The following NTM variants were observed in gnomAD, a reference collection of about 807,000 sequenced individuals.
The protein encoded by NTM is neurotrimin.
A neutral mutation model predicts 42.1 loss-of-function variants in NTM; 13 were observed. That is an observed-to-expected ratio of 0.31 (90% confidence interval 0.20 to 0.49). The LOEUF (loss-of-function observed/expected upper bound fraction) is 0.49, where lower values mean the gene tolerates loss of function less well. NTM is among the 20% of genes least tolerant of loss of function. The pLI, the probability that NTM is intolerant of heterozygous loss-of-function variation, is 0.99. For missense variants in NTM, 373 were observed against 452.8 expected (o/e 0.82, Z 1.60); for synonymous variants, 187 against 179.2 (o/e 1.04, Z -0.35).
intron 2 of NTM, among the ~76,000 whole-genome samples, chr11:132,056,837 C>A (rs570390715): frequency 2.6e-5 from 4 of 152,152 alleles, no homozygotes; most frequent in African/African-American, 9.7e-5. Flanking sequence ...TCCACAAATC[C>A]CCCAGTGCAC....
chr11:131,793,333 C>T lies in NTM; in HGVS notation c.83-118231C>T, dbSNP rs562875182. ...AACTTTGTGAGGTGAAAGACCATCTCTGTCTTTTTGTACCCTATCCTCAGC... is the reference window on the plus strand; with the variant it reads ...AACTTTGTGAGGTGAAAGACCATCTTTGTCTTTTTGTACCCTATCCTCAGC... On this transcript the variant is annotated intron_variant, in intron 1 of 8. Transcript: ENST00000683400. 2.4e-4 allele frequency among the ~76,000 whole-genome samples: 36 copies of T among 152,332 alleles called. No homozygotes were observed. The South Asian group carries it at 7.5e-3, about 32-fold the overall frequency.
chr11:131,635,011 A>G (rs2064183292), intron 1 of NTM, among the ~76,000 whole-genome samples: 1 of 152,212 alleles, frequency 6.6e-6, no homozygotes, highest in South Asian at 2.1e-4. Flanking sequence ...CCTTTTGGTC[A>G]ACAACAAGCC....
intron 1 of NTM, among the ~76,000 whole-genome samples, chr11:131,374,154 AGG>A (rs1328150817): frequency 6.6e-6 from 1 of 152,192 alleles, no homozygotes; most frequent in East Asian, 1.9e-4. Context: ...CATGGCAGTA[AGG>A]GGAGGGCGTC....
intron 1 of NTM, among the ~76,000 whole-genome samples, chr11:131,653,651 G>A (rs1389631608): frequency 1.3e-5 from 2 of 152,274 alleles, no homozygotes; most frequent in Non-Finnish European, 2.9e-5. Context: ...GCTCCTACCC[G>A]AGTGCCTGGA....
At chr11:131,704,544 A>T (rs982738469) in intron 1 of NTM, among the ~76,000 whole-genome samples, 1 of 152,254 alleles carries the variant, frequency 6.6e-6, no homozygotes, top group Non-Finnish European at 1.5e-5. Flanking sequence ...TTTAAAATGC[A>T]GACACCAGTG....
chr11:131,466,216 A>G (rs1445107477), intron 1 of NTM, among the ~76,000 whole-genome samples: 1 of 152,238 alleles, frequency 6.6e-6, no homozygotes, highest in Non-Finnish European at 1.5e-5. Context: ...AACAGCAAAG[A>G]GGAGTGGGAA....
rs187508011 is a variant in NTM at position 131,402,205 on chromosome 11, C to G, written c.82+31317C>G. Among the ~76,000 whole-genome samples the G allele has an allele frequency of 1.1e-3, 170 of 151,966 alleles. 2 individuals carry two copies. Among genetic ancestry groups the G allele is most frequent in the Non-Finnish European group, 9.9e-4 (67 of 67,980 alleles). On this transcript the variant is annotated intron_variant, in intron 1 of 8. Coordinates refer to ENST00000683400, the MANE Select transcript of NTM (RefSeq NM_001352005.2). ...GTTATGGATGCAACACCATGAAAAT[C>G]ACATGTCATGTCATAACCACCATGA...
At chr11:131,810,283 A>T (rs1285371717) in intron 1 of NTM, among the ~76,000 whole-genome samples, 2 of 152,042 alleles carry the variant, frequency 1.3e-5, no homozygotes, top group Admixed American at 6.5e-5. Context: ...TGTTGCTCAG[A>T]TTCCCTCATA....
At chr11:131,762,232 G>A (rs1384131819) in intron 1 of NTM, among the ~76,000 whole-genome samples, 1 of 152,212 alleles carries the variant, frequency 6.6e-6, no homozygotes, top group African/African-American at 2.4e-5. Flanking sequence ...AGGTTCCCAT[G>A]TGGCTCAATA....
At chr11:131,614,390 A>T (rs1391742189) in intron 1 of NTM, among the ~76,000 whole-genome samples, 1 of 152,214 alleles carries the variant, frequency 6.6e-6, no homozygotes, top group East Asian at 1.9e-4. Context: ...TGTTATTAGC[A>T]ATTACAGCTC....
chr11:131,607,385 T>A (rs116545599), intron 1 of NTM, among the ~76,000 whole-genome samples: 2 of 152,202 alleles, frequency 1.3e-5, no homozygotes, highest in Admixed American at 6.5e-5. Context: ...TTATAATAAA[T>A]CTTGCTTCAG....
At chr11:131,831,053 A>G (rs754148422) in intron 1 of NTM, among the ~76,000 whole-genome samples, 27 of 152,192 alleles carry the variant, frequency 1.8e-4, no homozygotes, top group Non-Finnish European at 3.1e-4. Flanking sequence ...TTATCAGTTC[A>G]AGAAATCATT....
At chr11:131,710,816 T>C (rs936907591) in intron 1 of NTM, among the ~76,000 whole-genome samples, 1 of 152,148 alleles carries the variant, frequency 6.6e-6, no homozygotes, top group South Asian at 2.1e-4. Flanking sequence ...AATGTTTTCA[T>C]AGAGGCATTT....
chr11:131,905,043 G>A (rs997032182), intron 1 of NTM, among the ~76,000 whole-genome samples: 5 of 152,194 alleles, frequency 3.3e-5, no homozygotes, highest in African/African-American at 1.2e-4. Flanking sequence ...GACTCAGAAT[G>A]AAGGAAGCAC....
chr11:132,211,920 C>A, intron 3 of NTM, 102 bp from the exon 4 acceptor site: 1 of 1,040,182 alleles, frequency 9.6e-7, no homozygotes, highest in Non-Finnish European at 1.3e-6. Flanking sequence ...TTACTGTAGT[C>A]CATATATTTT....
At chr11:131,412,040 G>A (rs546337591) in intron 1 of NTM, among the ~76,000 whole-genome samples, 2 of 152,266 alleles carry the variant, frequency 1.3e-5, no homozygotes, top group Admixed American at 6.5e-5. Context: ...ACTGAGGCCC[G>A]GGTGCCAGCC....
At chr11:131,927,159 A>T (rs976547209) in intron 2 of NTM, among the ~76,000 whole-genome samples, 1 of 152,178 alleles carries the variant, frequency 6.6e-6, no homozygotes, top group African/African-American at 2.4e-5. Context: ...TATGCTAAGG[A>T]AGTGAGATTT....
intron 2 of NTM, among the ~76,000 whole-genome samples, chr11:132,083,373 C>A (rs930477106): frequency 6.6e-6 from 1 of 152,174 alleles, no homozygotes; most frequent in Non-Finnish European, 1.5e-5. Flanking sequence ...TGATTATTTG[C>A]ATAAAGTGCA....
chr11:131,471,641 A>C (rs1449723485), intron 1 of NTM, among the ~76,000 whole-genome samples: 1 of 152,224 alleles, frequency 6.6e-6, no homozygotes, highest in Non-Finnish European at 1.5e-5. Context: ...TAACAAGGTT[A>C]AGATGAGTTC....
Sources: gnomAD v4.1 joint callset for allele counts (sites outside exome capture counted in the v4.1 genomes callset) on GRCh38, gnomAD v4.1.1 for gene constraint, MANE v1.5 for transcripts, NCBI Gene and HGNC (gene_info 2026-07-23, HGNC 2026-07-21) for gene names.